KIAA1958: variants seen among roughly 807,000 people sequenced by gnomAD.
KIAA1958 encodes KIAA1958.
In KIAA1958, 14 loss-of-function variants were observed where a neutral mutation model predicts 47.2. The observed-to-expected ratio is 0.30, with a 90% CI of 0.20 to 0.46. The LOEUF (loss-of-function observed/expected upper bound fraction) is 0.46. KIAA1958 is among the 20% of genes least tolerant of loss of function. The pLI is 1.00. For synonymous variants in KIAA1958, 354 were observed against 353.3 expected, an observed-to-expected ratio of 1.00 and a Z score of -0.02; for missense variants, 803 against 909.2, an observed-to-expected ratio of 0.88 and a Z score of 1.50.
rs767698180 is a variant in KIAA1958 at position 112,574,149 on chromosome 9, G to C, written c.69G>C (p.Gly23=). 1.2e-6 allele frequency: 2 copies of C among 1,613,874 alleles called. No individual in the cohort carries two copies. The highest frequency in any genetic ancestry group is 3.3e-5 in the Admixed American group (2 of 59,976). ...SKLVSWAHSH[G]TICSLIPNLK... ...TGGTCAGCTGGGCCCATAGCCATGG[G>C]ACTATTTGCAGCCTCATTCCAAACC... is the stretch of plus-strand genomic sequence containing the variant. The change falls in exon 2 of 4, where the codon GGG becomes GGC. Residue 23 remains glycine (G), a synonymous_variant. Transcript: ENST00000337530.
Position 112,668,345 on chromosome 9 carries a change from G to A in KIAA1958, c.*8276G>A, listed in dbSNP as rs1324648677. On this transcript the variant is annotated 3_prime_UTR_variant, in exon 4 of 4. Transcript: ENST00000337530. ...AACTTGTTTTAGAATACAAATGCAA[G>A]AAAAGTTCAATTTCAACAGCAGAAA... 6.6e-6 allele frequency: 1 copy of A among 152,204 alleles called. No homozygotes were observed. The highest frequency in any genetic ancestry group is 1.5e-5 in the Non-Finnish European group (1 of 68,036). The allele number at this position is 152,204 out of a possible 1,614,324, so 9.4% of individuals were successfully genotyped here.
chr9:112,516,733 A>G (rs961185899), intron 1 of KIAA1958, among the ~76,000 whole-genome samples: 14 of 152,246 alleles, frequency 9.2e-5, no homozygotes, highest in African/African-American at 3.4e-4. Context: ...ACAGTGTGCT[A>G]CTGGTATAAG....
rs139228908 is a variant in KIAA1958, at chr9:112,577,949, A to G, written c.1171+2698A>G. 3.6e-3 allele frequency among the ~76,000 whole-genome samples: 550 copies of G among 152,278 alleles called. 3 individuals are homozygous for G. Among genetic ancestry groups the G allele is most frequent in the African/African-American group, 0.013 (520 of 41,576 alleles). On this transcript the variant is annotated intron_variant, in intron 2 of 3. Coordinates refer to ENST00000337530, the MANE Select transcript of KIAA1958 (RefSeq NM_133465.4). ...GATTTGGCTTTATTCTCAGAGGAGGATTAGTTTGGCTTGGAGGTAAACCTT... is the reference window on the plus strand; with the variant it reads ...GATTTGGCTTTATTCTCAGAGGAGGGTTAGTTTGGCTTGGAGGTAAACCTT...
chr9:112,603,009 AC>A (rs1288167087), intron 2 of KIAA1958, among the ~76,000 whole-genome samples: 1 of 152,068 alleles, frequency 6.6e-6, no homozygotes, highest in Non-Finnish European at 1.5e-5. Flanking sequence ...GAATCCTACT[AC>A]TTTTTTCAAG....
chr9:112,666,930 G>A lies in KIAA1958; in HGVS notation c.*6861G>A, dbSNP rs1243687880. 1 of 152,150 alleles carries A rather than the reference G, an allele frequency of 6.6e-6. No homozygotes were observed. The highest frequency in any genetic ancestry group is 1.9e-4 in the East Asian group (1 of 5,192). 9.4% of individuals were successfully genotyped at this position (152,150 alleles called of 1,614,324 possible). A position where few individuals can be genotyped will look rare whatever the true frequency, so the allele number is the denominator to read the frequency against. ...CACATAAATCTTAGAGCTAAAACAG[G>A]AGCAGAAAGCAGAGAAGGACTATTA... is the stretch of plus-strand genomic sequence containing the variant. On this transcript the variant is annotated 3_prime_UTR_variant, in exon 4 of 4. Coordinates refer to ENST00000337530, the MANE Select transcript of KIAA1958 (RefSeq NM_133465.4).
At chr9:112,651,454 G>A (rs1049128734) in intron 3 of KIAA1958, among the ~76,000 whole-genome samples, 2 of 150,568 alleles carry the variant, frequency 1.3e-5, no homozygotes, top group African/African-American at 2.4e-5. Flanking sequence ...GAGTGCAGTG[G>A]CACAATCTCA....
intron 3 of KIAA1958, among the ~76,000 whole-genome samples, chr9:112,651,222 C>T (rs1837050024): frequency 6.6e-6 from 1 of 151,994 alleles, no homozygotes; most frequent in Non-Finnish European, 1.5e-5. Context: ...CAAATTCTTT[C>T]CAAATGCCAT....
chr9:112,549,611 C>G (rs911596652), intron 1 of KIAA1958, among the ~76,000 whole-genome samples: 16 of 152,120 alleles, frequency 1.1e-4, no homozygotes, highest in African/African-American at 3.9e-4. Context: ...GCTGAAGGAG[C>G]TAATACTCTG....
intron 2 of KIAA1958, among the ~76,000 whole-genome samples, chr9:112,641,521 A>G (rs1836891564): frequency 6.7e-6 from 1 of 149,916 alleles, no homozygotes; most frequent in South Asian, 2.1e-4. Flanking sequence ...GTCTTCTTTC[A>G]GTATTTCTAT....
chr9:112,554,853 C>G (rs62568602), intron 1 of KIAA1958, among the ~76,000 whole-genome samples: 2 of 152,076 alleles, frequency 1.3e-5, no homozygotes, highest in East Asian at 3.8e-4. Flanking sequence ...TTTGGAGCCA[C>G]TGTTACAGTG....
intron 2 of KIAA1958, among the ~76,000 whole-genome samples, chr9:112,631,228 T>C (rs1429137933): frequency 6.6e-6 from 1 of 151,818 alleles, no homozygotes; most frequent in African/African-American, 2.4e-5. Flanking sequence ...AACCATCAAA[T>C]AAAAAAATGG....
At chr9:112,519,453 G>T (rs1225266244) in intron 1 of KIAA1958, among the ~76,000 whole-genome samples, 1 of 152,102 alleles carries the variant, frequency 6.6e-6, no homozygotes, top group African/African-American at 2.4e-5. Flanking sequence ...AGCATCACAG[G>T]CACCAAGTAT....
intron 2 of KIAA1958, among the ~76,000 whole-genome samples, chr9:112,622,424 G>T (rs1031949895): frequency 4.6e-4 from 70 of 152,232 alleles, no homozygotes; most frequent in African/African-American, 1.7e-3. Context: ...TGCATAATTT[G>T]GTCTTTCTAC....
chr9:112,654,191 G>A (rs1318490908), intron 3 of KIAA1958, among the ~76,000 whole-genome samples: 1 of 152,154 alleles, frequency 6.6e-6, no homozygotes, highest in African/African-American at 2.4e-5. Flanking sequence ...CAAGGGCACA[G>A]GAAACTATCA....
chr9:112,609,734 T>C (rs1344975639), intron 2 of KIAA1958, among the ~76,000 whole-genome samples: 1 of 152,028 alleles, frequency 6.6e-6, no homozygotes, highest in African/African-American at 2.4e-5. Flanking sequence ...AAATTTTTGG[T>C]AGAGACCAGG....
rs542093880 is a variant in KIAA1958 at position 112,615,293 on chromosome 9, G to T, written c.1172-30357G>T. On this transcript the variant is annotated intron_variant, in intron 2 of 3. Transcript: ENST00000337530. ...AAATTAGCCAGGCATGATGGCGGGT[G>T]CCTGTAATCCCAGCTGCTTGAGAGG... Among the ~76,000 whole-genome samples, 4 of 151,966 alleles carry T rather than the reference G, an allele frequency of 2.6e-5. No individual in the cohort carries two copies. In the South Asian group the frequency reaches 8.3e-4, roughly 32 times the overall value.
At chr9:112,543,410 T>C (rs941331587) in intron 1 of KIAA1958, among the ~76,000 whole-genome samples, 2 of 152,146 alleles carry the variant, frequency 1.3e-5, no homozygotes, top group South Asian at 2.1e-4. Context: ...CTAATAACCA[T>C]TAGTAAATGG....
chr9:112,523,054 A>G (rs1352534133), intron 1 of KIAA1958, among the ~76,000 whole-genome samples: 1 of 152,220 alleles, frequency 6.6e-6, no homozygotes, highest in Non-Finnish European at 1.5e-5. Flanking sequence ...ATTTCTACCC[A>G]CAGCACAGCT....
Position 112,636,820 on chromosome 9 carries a change from C to G in KIAA1958, c.1172-8830C>G, listed in dbSNP as rs551003738. Among the ~76,000 whole-genome samples the G allele has an allele frequency of 5.4e-4, 82 of 152,196 alleles. 1 individual carries two copies. In the South Asian group the frequency reaches 9.7e-3, roughly 18 times the overall value. On this transcript the variant is annotated intron_variant, in intron 2 of 3. Coordinates refer to ENST00000337530, the MANE Select transcript of KIAA1958 (RefSeq NM_133465.4). ...TATAGCTGAATATTGTTCCTTTGCC[C>G]AGCCTGACAACATTTATCTTTTAAT...
Sources: allele counts gnomAD v4.1 joint callset (sites outside exome capture counted in the v4.1 genomes callset), GRCh38; gene constraint gnomAD v4.1.1; transcripts MANE v1.5; gene names NCBI Gene and HGNC (gene_info 2026-07-23, HGNC 2026-07-21).